The following ANO1 variants were observed in gnomAD, a reference collection of about 807,000 sequenced individuals.
The protein encoded by ANO1 is anoctamin 1, also known as anoctamin-1.
ANO1 carries 59 observed loss-of-function variants against 124.0 expected under a neutral mutation model. The observed-to-expected ratio is 0.48, with a 90% confidence interval of 0.39 to 0.59. The LOEUF (loss-of-function observed/expected upper bound fraction) is 0.59, where lower values mean the gene tolerates loss of function less well. ANO1 is among the 20% of genes least tolerant of loss of function. ANO1 has a pLI of 0.00. For missense variants in ANO1, 1,059 were observed against 1,328.0 expected, an observed-to-expected ratio of 0.80 and a Z score of 3.15; for synonymous variants, 529 against 532.0, an observed-to-expected ratio of 0.99 and a Z score of 0.08.
intron 1 of ANO1, among the ~76,000 whole-genome samples, chr11:69,986,580 A>C (rs782374902): frequency 3.9e-5 from 6 of 152,082 alleles, no homozygotes; most frequent in Non-Finnish European, 8.8e-5. Flanking sequence ...AATACACATA[A>C]TATTTCCGTG....
chr11:69,997,528 G>T (rs1375486313), intron 1 of ANO1, among the ~76,000 whole-genome samples: 1 of 152,044 alleles, frequency 6.6e-6, no homozygotes, highest in Non-Finnish European at 1.5e-5. Context: ...CTCTCCCCCA[G>T]CCACTCTCCC....
intron 1 of ANO1, among the ~76,000 whole-genome samples, chr11:70,080,474 G>A (rs75946132): frequency 0.016 from 2,476 of 152,326 alleles, 61 homozygotes; most frequent in African/African-American, 0.056. Flanking sequence ...GCCAGGGGAT[G>A]GTAGTGGTGG....
At chr11:70,170,858 T>A in intron 21 of ANO1, 29 bp from the exon 22 acceptor site, 1 of 1,606,452 alleles carries the variant, frequency 6.2e-7, no homozygotes, top group Non-Finnish European at 8.5e-7. Flanking sequence ...GCTCACGGGG[T>A]GCTGACTAGC....
At chr11:70,122,380 C>T (rs2046328137) in intron 8 of ANO1, among the ~76,000 whole-genome samples, 1 of 138,092 alleles carries the variant, frequency 7.2e-6, no homozygotes, top group Non-Finnish European at 1.6e-5. Flanking sequence ...CCCCACCTCT[C>T]TCTGTCTGTC....
At chr11:70,117,487 C>A (rs2046034405) in intron 8 of ANO1, among the ~76,000 whole-genome samples, 1 of 152,162 alleles carries the variant, frequency 6.6e-6, no homozygotes, top group Non-Finnish European at 1.5e-5. Context: ...CCAGGCTCCC[C>A]AGGAAGCTCT....
rs1177153614 is a variant in ANO1, at chr11:70,147,825, C to G, written c.1259-1885C>G. ...TGAGCACCTCCTACTGTCCTGCCAT[C>G]CTGAAACGGATGCCAGCTCCTGCTG... On this transcript the variant is annotated intron_variant, in intron 11 of 25. Coordinates refer to ENST00000355303, the MANE Select transcript of ANO1 (RefSeq NM_018043.7). 3.3e-5 allele frequency among the ~76,000 whole-genome samples: 5 copies of G among 152,170 alleles called. 1 individual carries two copies. Among genetic ancestry groups the G allele is most frequent in the Admixed American group, 3.3e-4 (5 of 15,278 alleles).
chr11:70,069,432 C>G (rs1857812884), intron 1 of ANO1, among the ~76,000 whole-genome samples: 1 of 152,070 alleles, frequency 6.6e-6, no homozygotes, highest in Admixed American at 6.5e-5. Context: ...AAACTCCTTC[C>G]GATGGGTTTA....
At chr11:69,980,896 A>G in the ANO1 span, among the ~76,000 whole-genome samples, 1 of 151,836 alleles carries the variant, frequency 6.6e-6, no homozygotes, top group Non-Finnish European at 1.5e-5. Context: ...TACTAAAAAT[A>G]TAAAAATTAG....
intron 1 of ANO1, among the ~76,000 whole-genome samples, chr11:70,087,029 C>T (rs375554650): frequency 2.6e-5 from 4 of 152,358 alleles, no homozygotes; most frequent in African/African-American, 9.6e-5. Flanking sequence ...AACCTGAGCT[C>T]AGCTCTGCCT....
In ANO1 at chr11:70,033,337, G is replaced by A. The variant is rs531691644; in HGVS notation, c.59-45205G>A. On this transcript the variant is annotated intron_variant, in intron 1 of 27. Transcript: ENST00000531349. ...TGGTTCCAACAAACCCTCCAAGATCGAGAGTCTACATCAGCAAAACCCGCT... is the reference window on the plus strand; with the variant it reads ...TGGTTCCAACAAACCCTCCAAGATCAAGAGTCTACATCAGCAAAACCCGCT... 6.6e-5 allele frequency among the ~76,000 whole-genome samples: 10 copies of A among 152,270 alleles called. No homozygotes were observed. In the South Asian group the frequency reaches 1.0e-3, roughly 16 times the overall value.
At chr11:70,057,338 G>A (rs1345121325) in intron 1 of ANO1, among the ~76,000 whole-genome samples, 1 of 152,052 alleles carries the variant, frequency 6.6e-6, no homozygotes, top group Non-Finnish European at 1.5e-5. Flanking sequence ...TTAGCCTTAA[G>A]GACTTATGGA....
At chr11:70,141,928 G>T (rs1475354654) in intron 11 of ANO1, among the ~76,000 whole-genome samples, 1 of 152,052 alleles carries the variant, frequency 6.6e-6, no homozygotes, top group African/African-American at 2.4e-5. Context: ...CGCCCGCCGG[G>T]GTGTGGGGGT....
chr11:70,162,202 C>A (rs1279643382), intron 18 of ANO1, among the ~76,000 whole-genome samples: 5 of 142,082 alleles, frequency 3.5e-5, no homozygotes, highest in Admixed American at 2.8e-4. Flanking sequence ...ACAGTGCAGA[C>A]CCCGGGCAGT....
chr11:69,986,694 G>A (rs568534901), intron 1 of ANO1, among the ~76,000 whole-genome samples: 81 of 152,282 alleles, frequency 5.3e-4, no homozygotes, highest in African/African-American at 1.9e-3. Flanking sequence ...AGGCCTGGAC[G>A]CTAGGCCGGA....
chr11:70,040,513 T>C (rs532168888), intron 1 of ANO1, among the ~76,000 whole-genome samples: 1 of 152,134 alleles, frequency 6.6e-6, no homozygotes, highest in African/African-American at 2.4e-5. Flanking sequence ...CCGTCACTAC[T>C]GAACACATAA....
the ANO1 span, among the ~76,000 whole-genome samples, chr11:69,980,327 T>C: frequency 6.6e-6 from 1 of 151,960 alleles, no homozygotes; most frequent in Non-Finnish European, 1.5e-5. Context: ...TTTTGGAAGA[T>C]AAAAAAGTTG....
At chr11:70,180,638 A>T (rs1052618831) in intron 23 of ANO1, among the ~76,000 whole-genome samples, 2 of 152,166 alleles carry the variant, frequency 1.3e-5, no homozygotes, top group Non-Finnish European at 2.9e-5. Context: ...ACTGAGAATA[A>T]ACAAGAGACA....
At chr11:70,011,398 C>T (rs1856596340) in intron 1 of ANO1, among the ~76,000 whole-genome samples, 1 of 152,174 alleles carries the variant, frequency 6.6e-6, no homozygotes, top group Non-Finnish European at 1.5e-5. Context: ...CACACAGGAG[C>T]ACCCTTTGGG....
At position 70,188,071 on chromosome 11, in the gene ANO1, G is replaced by A; in HGVS notation, c.*67G>A. 1 of 1,498,026 alleles carries A rather than the reference G, an allele frequency of 6.7e-7. No individual in the cohort carries two copies. Among genetic ancestry groups the A allele is most frequent in the Non-Finnish European group, 8.9e-7 (1 of 1,124,088 alleles). The allele number at this position is 1,498,026 out of a possible 1,614,324, so 92.8% of individuals were successfully genotyped here. A position where few individuals can be genotyped will look rare whatever the true frequency, so the allele number is the denominator to read the frequency against. ...CGATGGGCACCCTCTCCCAGGGCAG[G>A]CGGCTTCCCGCTCCCACCAGGGCCC... On this transcript the variant is annotated 3_prime_UTR_variant, in exon 26 of 26. Coordinates refer to ENST00000355303, the MANE Select transcript of ANO1 (RefSeq NM_018043.7).
Sources: gnomAD v4.1 joint callset for allele counts (sites outside exome capture counted in the v4.1 genomes callset) on GRCh38, gnomAD v4.1.1 for gene constraint, MANE v1.5 for transcripts, NCBI Gene and HGNC (gene_info 2026-07-23, HGNC 2026-07-21) for gene names.